The following FAM227B variants were observed in gnomAD, a reference collection of about 807,000 sequenced individuals.
FAM227B encodes family with sequence similarity 227 member B.
Under a neutral mutation model 73.8 loss-of-function variants are expected in FAM227B, and 88 were observed. The observed-to-expected ratio is 1.19, with a 90% CI of 1.00 to 1.42. The LOEUF (loss-of-function observed/expected upper bound fraction) is 1.42, where lower values mean the gene tolerates loss of function less well. Ranked by LOEUF, FAM227B falls within the 40% of genes most tolerant of loss-of-function variation. FAM227B has a pLI of 0.00. For missense variants in FAM227B, 632 were observed against 590.9 expected, an observed-to-expected ratio of 1.07 and a Z score of -0.72; for synonymous variants, 210 against 190.5, an observed-to-expected ratio of 1.10 and a Z score of -0.84.
Position 49,591,368 on chromosome 15 carries a change from C to T in FAM227B, c.106-1361G>A, listed in dbSNP as rs187138415. 4.1e-4 allele frequency among the ~76,000 whole-genome samples: 50 copies of T among 122,988 alleles called. 1 individual carries two copies. The East Asian group carries it at 0.014, about 35-fold the overall frequency. 80.7% of individuals were successfully genotyped at this position (122,988 alleles called of 152,430 possible). A position where few individuals can be genotyped will look rare whatever the true frequency, so the allele number is the denominator to read the frequency against. ...TATAGGTGTGAGCCACCACACCCTCCCTCCCTCCCTCCCTTCCCTCCCTCC... is the reference window on the plus strand; with the variant it reads ...TATAGGTGTGAGCCACCACACCCTCTCTCCCTCCCTCCCTTCCCTCCCTCC... On this transcript the variant is annotated intron_variant, in intron 3 of 15. Coordinates refer to ENST00000299338, the MANE Select transcript of FAM227B (RefSeq NM_152647.3).
intron 9 of FAM227B, among the ~76,000 whole-genome samples, chr15:49,551,739 G>C (rs1405635042): frequency 6.6e-6 from 1 of 152,044 alleles, no homozygotes. Context: ...TTCTTGCTTT[G>C]TATTTTTTGT....
At chr15:49,616,643 A>G (rs1384860830) in intron 1 of FAM227B, among the ~76,000 whole-genome samples, 2 of 152,202 alleles carry the variant, frequency 1.3e-5, no homozygotes, top group African/African-American at 4.8e-5. Flanking sequence ...GTGAGAAAAT[A>G]AACTACTGTT....
At chr15:49,481,039 C>T (rs2055896548) in intron 11 of FAM227B, among the ~76,000 whole-genome samples, 1 of 152,190 alleles carries the variant, frequency 6.6e-6, no homozygotes, top group Non-Finnish European at 1.5e-5. Flanking sequence ...TAAACTTGTG[C>T]ATCAGCATTC....
At chr15:49,342,941 C>G (rs2040954560) in intron 13 of FAM227B, among the ~76,000 whole-genome samples, 1 of 152,080 alleles carries the variant, frequency 6.6e-6, no homozygotes, top group Non-Finnish European at 1.5e-5. Context: ...TCTCTAGCTG[C>G]TTTTAAGATT....
chr15:49,546,348 C>T (rs1410910722), intron 9 of FAM227B, among the ~76,000 whole-genome samples: 1 of 152,184 alleles, frequency 6.6e-6, no homozygotes, highest in African/African-American at 2.4e-5. Context: ...TTTCTTAATC[C>T]AGTCTATCGT....
chr15:49,483,680 G>T (rs951504235), intron 11 of FAM227B, among the ~76,000 whole-genome samples: 8 of 151,868 alleles, frequency 5.3e-5, no homozygotes, highest in African/African-American at 1.7e-4. Flanking sequence ...CACAATCATG[G>T]GCATTGAAAT....
At chr15:49,461,061 A>C (rs959584117) in intron 11 of FAM227B, among the ~76,000 whole-genome samples, 67 of 152,042 alleles carry the variant, frequency 4.4e-4, no homozygotes, top group African/African-American at 1.6e-3. Context: ...CACCTCTGCC[A>C]TTTTTCTTAG....
chr15:49,588,550 T>C (rs1341852744), intron 4 of FAM227B, among the ~76,000 whole-genome samples: 1 of 2,822 alleles, frequency 3.5e-4, no homozygotes, highest in East Asian at 8.6e-3. Context: ...TTGAGGACTA[T>C]ATATATATAT....
chr15:49,590,834 G>A (rs1173660809), intron 3 of FAM227B, among the ~76,000 whole-genome samples: 3 of 151,742 alleles, frequency 2.0e-5, no homozygotes, highest in Non-Finnish European at 2.9e-5. Flanking sequence ...TCTTTCACAA[G>A]CCCCAGTAAG....
intron 8 of FAM227B, among the ~76,000 whole-genome samples, chr15:49,572,299 C>T (rs1304243453): frequency 2.0e-5 from 3 of 152,008 alleles, no homozygotes; most frequent in African/African-American, 7.2e-5. Context: ...TATTTCACTT[C>T]TTCCTTTTCT....
intron 13 of FAM227B, among the ~76,000 whole-genome samples, chr15:49,336,032 T>G (rs1474786567): frequency 1.3e-5 from 2 of 152,130 alleles, no homozygotes; most frequent in Non-Finnish European, 2.9e-5. Flanking sequence ...AACTTCAAAC[T>G]CCTGGGCTCT....
chr15:49,405,981 AAC>A (rs2048482030), intron 11 of FAM227B, among the ~76,000 whole-genome samples: 1 of 152,216 alleles, frequency 6.6e-6, no homozygotes, highest in Non-Finnish European at 1.5e-5. Flanking sequence ...AGATTTAACC[AAC>A]TGGCTTCATT....
rs182845179 is a variant in FAM227B, at chr15:49,594,685, C to T, written c.106-4678G>A. Among the ~76,000 whole-genome samples, 301 of 152,218 alleles carry T rather than the reference C, an allele frequency of 2.0e-3. 1 individual carries two copies. Among genetic ancestry groups the T allele is most frequent in the African/African-American group, 6.9e-3 (288 of 41,542 alleles). On this transcript the variant is annotated intron_variant, in intron 3 of 15. Transcript: ENST00000299338. ...ACCAACATTTGTTGAACAGGGTTTC[C>T]CTCCCCCACTTTATGCTTTTGTTTG... is the stretch of plus-strand genomic sequence containing the variant.
intron 15 of FAM227B, chr15:49,331,113 A>G (rs892968860): frequency 2.0e-5 from 3 of 152,230 alleles, no homozygotes; most frequent in South Asian, 2.1e-4. Flanking sequence ...CTAGCAGCCA[A>G]TGGGATTGCT....
At chr15:49,356,230 A>G (rs886447741) in intron 13 of FAM227B, among the ~76,000 whole-genome samples, 4 of 152,192 alleles carry the variant, frequency 2.6e-5, no homozygotes, top group African/African-American at 9.7e-5. Context: ...GATCAAATTC[A>G]CACATAACAA....
chr15:49,543,582 A>G (rs2071387135), intron 9 of FAM227B, among the ~76,000 whole-genome samples: 1 of 152,098 alleles, frequency 6.6e-6, no homozygotes, highest in African/African-American at 2.4e-5. Flanking sequence ...CTTTGCCTAA[A>G]GCAATGTCTA....
chr15:49,553,609 A>C (rs2073301323), intron 9 of FAM227B, among the ~76,000 whole-genome samples: 1 of 152,164 alleles, frequency 6.6e-6, no homozygotes, highest in Admixed American at 6.5e-5. Flanking sequence ...CTCAAATCAC[A>C]AGATGCAGTC....
intron 11 of FAM227B, chr15:49,485,103 G>C (rs996074939): frequency 7.9e-5 from 12 of 152,160 alleles, no homozygotes; most frequent in Middle Eastern, 3.4e-3. Context: ...AAAAGTACAG[G>C]ATTAGAACAT....
chr15:49,409,667 A>G (rs897728214), intron 11 of FAM227B, among the ~76,000 whole-genome samples: 2 of 151,948 alleles, frequency 1.3e-5, no homozygotes, highest in African/African-American at 4.8e-5. Context: ...TCCTGGACAA[A>G]ACTATCTCTC....
Sources: gnomAD v4.1 joint callset for allele counts (sites outside exome capture counted in the v4.1 genomes callset) on GRCh38, gnomAD v4.1.1 for gene constraint, MANE v1.5 for transcripts, NCBI Gene and HGNC (gene_info 2026-07-23, HGNC 2026-07-21) for gene names.